RMDN2: variants seen among roughly 807,000 people sequenced by gnomAD.
The protein encoded by RMDN2 is regulator of microtubule dynamics 2.
In RMDN2, 61 loss-of-function variants were observed where a neutral mutation model predicts 52.8. That is an observed-to-expected ratio of 1.16 (90% CI 0.94 to 1.43). RMDN2 has a LOEUF of 1.43. Among genes scored for constraint, RMDN2 ranks in the 40% most tolerant of loss-of-function variants. The pLI is 0.00. For missense variants in RMDN2, 592 were observed against 475.3 expected, an observed-to-expected ratio of 1.25 and a Z score of -2.28; for synonymous variants, 180 against 153.1, an observed-to-expected ratio of 1.18 and a Z score of -1.30.
intron 4 of RMDN2, among the ~76,000 whole-genome samples, chr2:37,977,409 G>A (rs990929694): frequency 2.0e-5 from 3 of 151,920 alleles, no homozygotes; most frequent in Admixed American, 6.5e-5. Flanking sequence ...CTTCCCAGAC[G>A]GGTCGGCCGG....
At chr2:37,934,955 GT>G (rs1667164712) in intron 2 of RMDN2, among the ~76,000 whole-genome samples, 1 of 152,164 alleles carries the variant, frequency 6.6e-6, no homozygotes, top group African/African-American at 2.4e-5. Flanking sequence ...CCAGTTGAAA[GT>G]AACAAATTCA....
chr2:38,025,685 C>A (rs959784820), intron 10 of RMDN2, among the ~76,000 whole-genome samples: 1 of 151,944 alleles, frequency 6.6e-6, no homozygotes, highest in South Asian at 2.1e-4. Flanking sequence ...GGAATTAATA[C>A]TGAATTTTGT....
intron 10 of RMDN2, among the ~76,000 whole-genome samples, chr2:38,004,551 T>C (rs1292010236): frequency 6.6e-6 from 1 of 152,152 alleles, no homozygotes; most frequent in South Asian, 2.1e-4. Flanking sequence ...TACAGTCACA[T>C]TGCTGTCCTT....
Position 38,015,662 on chromosome 2 carries a change from G to A in RMDN2, c.1180-1524G>A, listed in dbSNP as rs77393345. On this transcript the variant is annotated intron_variant, in intron 10 of 10. Transcript: ENST00000354545. ...TAGACTCTGCTAGACCCATCTCAGA[G>A]GAAGCTGCACAGAGATGTGATTCTG... Among the ~76,000 whole-genome samples the A allele has an allele frequency of 2.6e-4, 40 of 152,314 alleles. No homozygotes were observed. In the South Asian group the frequency reaches 4.3e-3, roughly 17 times the overall value.
intron 2 of RMDN2, chr2:37,950,234 G>A: frequency 2.5e-6 from 1 of 407,848 alleles, no homozygotes; most frequent in Non-Finnish European, 4.6e-6. Flanking sequence ...ATGGTCCAAG[G>A]TAAAGGATTG....
At chr2:37,933,086 C>T (rs1342552261) in intron 2 of RMDN2, among the ~76,000 whole-genome samples, 1 of 151,848 alleles carries the variant, frequency 6.6e-6, no homozygotes, top group African/African-American at 2.4e-5. Context: ...AGAGGGTCTC[C>T]TCACTTCTCA....
intron 2 of RMDN2, among the ~76,000 whole-genome samples, chr2:37,957,517 T>TAC (rs1302497980): frequency 6.6e-6 from 1 of 152,216 alleles, no homozygotes. Flanking sequence ...TAAATTTATT[T>TAC]AAGTTCCTTG....
rs185181469 is a variant in RMDN2 at position 37,961,640 on chromosome 2, C to G, written c.453-12400C>G. On this transcript the variant is annotated intron_variant, in intron 2 of 10. Coordinates refer to ENST00000354545, the MANE Select transcript of RMDN2 (RefSeq NM_001170791.3). ...TCCTTGCATTGGGTTAGGACATGCT[C>G]CTTTAGCTCGGAGAAGTTTGTTATT... Among the ~76,000 whole-genome samples, 23 of 152,144 alleles carry G rather than the reference C, an allele frequency of 1.5e-4. 1 individual carries two copies. The highest frequency in any genetic ancestry group is 5.3e-4 in the African/African-American group (22 of 41,502).
At chr2:37,997,393 G>C (rs572948442) in intron 7 of RMDN2, 23 bp from the exon 8 acceptor site, 17 of 1,471,658 alleles carry the variant, frequency 1.2e-5, no homozygotes, top group Non-Finnish European at 1.3e-5. Context: ...CTTTCTAAGA[G>C]TGATGTTGTT....
At chr2:38,030,045 G>A (rs336041) in intron 10 of RMDN2, 98,996 of 151,468 alleles carry the variant, frequency 0.65, 33,175 homozygotes, top group East Asian at 0.85. Context: ...CCGTGATTCA[G>A]TTACCTCCCA....
intron 4 of RMDN2, among the ~76,000 whole-genome samples, chr2:37,979,630 C>T (rs929621746): frequency 2.0e-5 from 3 of 152,058 alleles, no homozygotes; most frequent in African/African-American, 7.2e-5. Flanking sequence ...TCTAACTTTC[C>T]TAATTAAGTA....
chr2:38,060,028 G>A (rs1360466408), intron 10 of RMDN2, among the ~76,000 whole-genome samples: 1 of 151,994 alleles, frequency 6.6e-6, no homozygotes, highest in African/African-American at 2.4e-5. Context: ...CTCCCGAGTA[G>A]CTGGGACTAC....
chr2:38,040,037 T>G (rs968469616), intron 10 of RMDN2, among the ~76,000 whole-genome samples: 2 of 128,732 alleles, frequency 1.6e-5, no homozygotes, highest in African/African-American at 5.8e-5. Context: ...AAGGCCTGTG[T>G]CTAGATTCAT....
chr2:38,058,432 A>G (rs1681921818), intron 10 of RMDN2, among the ~76,000 whole-genome samples: 1 of 152,176 alleles, frequency 6.6e-6, no homozygotes, highest in Admixed American at 6.5e-5. Flanking sequence ...AGGCTTGGAG[A>G]AGCAACGCCC....
intron 2 of RMDN2, among the ~76,000 whole-genome samples, chr2:37,932,475 C>T (rs1326845550): frequency 6.6e-6 from 1 of 150,592 alleles, no homozygotes; most frequent in Non-Finnish European, 1.5e-5. Context: ...TCTACACAGA[C>T]ACGGCAACCA....
chr2:38,017,184 A>G lies in RMDN2; in HGVS notation c.1180-2A>G, dbSNP rs1678920590. 4 of 1,500,418 alleles carry G rather than the reference A, an allele frequency of 2.7e-6. No individual in the cohort carries two copies. In the East Asian group the frequency reaches 9.9e-5, roughly 37 times the overall value. The allele number at this position is 1,500,418 out of a possible 1,614,324, so 92.9% of individuals were successfully genotyped here. ...CATTATGTATTTGTATTTTCTTTAT[A>G]GGATAAAGAGGCACAGAAAGAGATG... On this transcript the variant is annotated splice_acceptor_variant, in intron 10 of 10. Coordinates refer to ENST00000354545, the MANE Select transcript of RMDN2 (RefSeq NM_001170791.3). LOFTEE classifies it high-confidence loss of function.
At chr2:38,032,935 G>A (rs1159628181) in intron 10 of RMDN2, 1 of 152,128 alleles carries the variant, frequency 6.6e-6, no homozygotes, top group Non-Finnish European at 1.5e-5. Flanking sequence ...AAACCCCAAA[G>A]TGGCATTGTT....
upstream of RMDN2, among the ~76,000 whole-genome samples, chr2:37,922,421 T>TAA (rs111938013): frequency 0.21 from 30,825 of 144,276 alleles, 4,234 homozygotes; most frequent in East Asian, 0.73. Flanking sequence ...AAATAAAACC[T>TAA]AAAAAAAAAA....
At chr2:37,986,288 A>T (rs1038528068) in intron 5 of RMDN2, among the ~76,000 whole-genome samples, 1 of 152,202 alleles carries the variant, frequency 6.6e-6, no homozygotes, top group Non-Finnish European at 1.5e-5. Context: ...GCCTACTTCT[A>T]TTGAAAAAAT....
Sources: allele counts gnomAD v4.1 joint callset (sites outside exome capture counted in the v4.1 genomes callset), GRCh38; gene constraint gnomAD v4.1.1; transcripts MANE v1.5; gene names NCBI Gene and HGNC (gene_info 2026-07-23, HGNC 2026-07-21).